Variants in TMOD2 observed in about 807,000 individuals in gnomAD.
The protein encoded by TMOD2 is tropomodulin-2.
TMOD2 carries 22 observed loss-of-function variants against 39.9 expected under a neutral mutation model. The observed-to-expected ratio is 0.55, with a 90% CI of 0.39 to 0.79. The LOEUF is 0.79. Among genes scored for constraint, TMOD2 ranks in the 30% least tolerant of loss-of-function variants. The probability of loss-of-function intolerance (pLI) is 0.00; values close to 1 mark genes in which losing one functional copy is unlikely to be tolerated. For missense variants in TMOD2, 386 were observed against 413.3 expected, an observed-to-expected ratio of 0.93 and a Z score of 0.57; for synonymous variants, 123 against 146.1, an observed-to-expected ratio of 0.84 and a Z score of 1.14.
At position 51,809,805 on chromosome 15, in the gene TMOD2, C is replaced by CCAGAATTT; in HGVS notation, c.*1352_*1359dup. 1 of 152,110 alleles carries CCAGAATTT rather than the reference C, an allele frequency of 6.6e-6. No individual in the cohort carries two copies. The highest frequency in any genetic ancestry group is 2.1e-4 in the South Asian group (1 of 4,826). The allele number at this position is 152,110 out of a possible 1,614,324, so 9.4% of individuals were successfully genotyped here. A position where few individuals can be genotyped will look rare whatever the true frequency, so the allele number is the denominator to read the frequency against. Reference sequence around the variant, plus strand: ...TCTGTAATTTGTTACTAAACAAATTCCAGAATTTGTTTAGTAGCTGAGTGT... The same window carrying CCAGAATTT: ...TCTGTAATTTGTTACTAAACAAATTCCAGAATTTCAGAATTTGTTTAGTAGCTGAGTGT... On this transcript the variant is annotated 3_prime_UTR_variant, in exon 10 of 10. Transcript: ENST00000249700.
Position 51,776,937 on chromosome 15 carries a change from C to T in TMOD2, c.412C>T (p.Leu138Phe). The T allele has an allele frequency of 1.9e-6, 3 of 1,613,560 alleles. No homozygotes were observed. The highest frequency in any genetic ancestry group is 2.5e-6 in the Non-Finnish European group (3 of 1,179,632). The change falls in exon 5 of 10, where the codon CTT becomes TTT. Residue 138 changes from leucine to phenylalanine, a missense_variant. Physicochemically the swap from Leu to Phe is conservative, Grantham distance 22. Transcript: ENST00000249700. The part of the protein sequence containing the change: ...DTELYDLAAV[L>F]GVHNLLNNPK... ...CATTTGTTGACTGTTTTTAGCTGTC[C>T]TTGGAGTACACAATTTGCTCAACAA...
intron 7 of TMOD2, among the ~76,000 whole-genome samples, chr15:51,792,851 C>T (rs777944206): frequency 1.3e-5 from 2 of 152,072 alleles, no homozygotes; most frequent in African/African-American, 4.8e-5. Flanking sequence ...ATATCACACA[C>T]CGGGGCCTGT....
In TMOD2 at chr15:51,798,451, A is replaced by G. The variant is rs1261788850; in HGVS notation, c.876+111A>G. On this transcript the variant is annotated intron_variant, in intron 8 of 9. Transcript: ENST00000249700. Reference sequence around the variant, plus strand: ...ACAGTTCTGTGTGTGACTCAATTTGATGTACTGGATTTCCTGTAAGTTTTA... The same window carrying G: ...ACAGTTCTGTGTGTGACTCAATTTGGTGTACTGGATTTCCTGTAAGTTTTA... The G allele has an allele frequency of 2.3e-6, 3 of 1,287,136 alleles. No individual in the cohort carries two copies. The African/African-American group carries it at 4.6e-5, about 20-fold the overall frequency. The allele number at this position is 1,287,136 out of a possible 1,614,324, so 79.7% of individuals were successfully genotyped here.
At chr15:51,787,611 A>G (rs1021105817) in intron 7 of TMOD2, among the ~76,000 whole-genome samples, 1 of 152,212 alleles carries the variant, frequency 6.6e-6, no homozygotes, top group African/African-American at 2.4e-5. Context: ...GGGCCGACAG[A>G]CACCTCATAC....
Position 51,768,379 on chromosome 15 carries a change from GAC to G in TMOD2, c.246_247del (p.Asp82GlufsTer19). On this transcript the variant is annotated frameshift_variant, in exon 3 of 10. Coordinates refer to ENST00000249700, the MANE Select transcript of TMOD2 (RefSeq NM_014548.4). LOFTEE classifies it high-confidence loss of function. Reference protein sequence around the residue: ...YLEKEALEQKDREDFVPFTGE... With the variant: ...YLEKEALEQKXREDFVPFTGE... ...GGAGAAGGAGGCTTTGGAACAGAAA[GAC>G]AGAGAGGACTTTGTGCCCTTCACTG... 6.2e-7 allele frequency: 1 copy of G among 1,613,970 alleles called. No homozygotes were observed. Among genetic ancestry groups the G allele is most frequent in the Non-Finnish European group, 8.5e-7 (1 of 1,180,016 alleles).
intron 5 of TMOD2, 55 bp from the exon 6 acceptor site, chr15:51,780,989 A>G (rs1207611647): frequency 4.4e-5 from 66 of 1,485,548 alleles, no homozygotes; most frequent in Non-Finnish European, 5.6e-5. Flanking sequence ...GGAAGTCACC[A>G]CTGATTTTGA....
intron 1 of TMOD2, among the ~76,000 whole-genome samples, chr15:51,758,706 G>C (rs1482285613): frequency 6.6e-6 from 1 of 152,212 alleles, no homozygotes; most frequent in Non-Finnish European, 1.5e-5. Flanking sequence ...TGTGATTAAA[G>C]GGGTAGCATG....
rs1042442411 is a variant in TMOD2, at chr15:51,752,591, G to A, written c.-70+879G>A. The A allele has an allele frequency of 1.6e-4, 25 of 152,328 alleles. 1 individual carries two copies. The highest frequency in any genetic ancestry group is 1.2e-3 in the Admixed American group (18 of 15,300). 9.4% of individuals were successfully genotyped at this position (152,328 alleles called of 1,614,324 possible). ...CTTAGCTTGACCATTCAGGAGCTGA[G>A]GGACCTGGGCAAGTCCCTCCACCTC... is the stretch of plus-strand genomic sequence containing the variant. On this transcript the variant is annotated intron_variant, in intron 1 of 9. Coordinates refer to ENST00000249700, the MANE Select transcript of TMOD2 (RefSeq NM_014548.4).
At position 51,810,831 on chromosome 15, in the gene TMOD2, C is replaced by A. The variant is rs1328208224; in HGVS notation, c.*2377C>A. The A allele has an allele frequency of 2.0e-5, 3 of 151,146 alleles. No homozygotes were observed. In the East Asian group the frequency reaches 5.8e-4, roughly 29 times the overall value. The allele number at this position is 151,146 out of a possible 1,614,324, so 9.4% of individuals were successfully genotyped here. A position where few individuals can be genotyped will look rare whatever the true frequency, so the allele number is the denominator to read the frequency against. On this transcript the variant is annotated 3_prime_UTR_variant, in exon 10 of 10. Coordinates refer to ENST00000249700, the MANE Select transcript of TMOD2 (RefSeq NM_014548.4). Reference sequence around the variant, plus strand: ...CCCTATAGAGCATTCCTTGCAGCCCCACAGTGCTGTGGGCTGGGGGCTAAA... The same window carrying A: ...CCCTATAGAGCATTCCTTGCAGCCCAACAGTGCTGTGGGCTGGGGGCTAAA...
At chr15:51,795,428 CAA>C (rs35847443) in intron 7 of TMOD2, among the ~76,000 whole-genome samples, 34 of 104,524 alleles carry the variant, frequency 3.3e-4, no homozygotes, top group Admixed American at 2.9e-4. Context: ...GACTTTGTCT[CAA>C]AAAAAAAAAA....
At chr15:51,753,825 G>A (rs2055724013) in intron 1 of TMOD2, among the ~76,000 whole-genome samples, 2 of 151,754 alleles carry the variant, frequency 1.3e-5, no homozygotes, top group South Asian at 4.2e-4. Flanking sequence ...GCAGAATGAT[G>A]ACGGTTGGTG....
At chr15:51,756,463 C>T (rs1220652582) in intron 1 of TMOD2, 2 of 152,214 alleles carry the variant, frequency 1.3e-5, no homozygotes, top group Non-Finnish European at 2.9e-5. Flanking sequence ...TCACCTCAGC[C>T]TTCTGAGATA....
rs1189807457 is a variant in TMOD2, at chr15:51,814,409, T to G, written c.*5955T>G. 1.3e-5 allele frequency: 2 copies of G among 152,240 alleles called. No homozygotes were observed. The highest frequency in any genetic ancestry group is 2.4e-5 in the African/African-American group (1 of 41,446). 9.4% of individuals were successfully genotyped at this position (152,240 alleles called of 1,614,324 possible). A position where few individuals can be genotyped will look rare whatever the true frequency, so the allele number is the denominator to read the frequency against. ...TTATCACCAGCAACCTTAGCCCTGG[T>G]CAGTAATATTTCTGCTAAGAAAGGT... On this transcript the variant is annotated 3_prime_UTR_variant, in exon 10 of 10. Transcript: ENST00000249700.
intron 1 of TMOD2, among the ~76,000 whole-genome samples, chr15:51,758,579 C>G (rs1256641943): frequency 6.6e-6 from 1 of 152,238 alleles, no homozygotes; most frequent in Admixed American, 6.5e-5. Flanking sequence ...AGATCAAGAA[C>G]TGTGCTGGGA....
At chr15:51,757,883 A>G (rs1356019591) in intron 1 of TMOD2, among the ~76,000 whole-genome samples, 1 of 152,204 alleles carries the variant, frequency 6.6e-6, no homozygotes, top group Non-Finnish European at 1.5e-5. Flanking sequence ...TGGGCAATGT[A>G]GCGAGACCCT....
intron 8 of TMOD2, among the ~76,000 whole-genome samples, chr15:51,805,585 TAG>T (rs1467818941): frequency 2.0e-5 from 3 of 152,194 alleles, no homozygotes; most frequent in Non-Finnish European, 4.4e-5. Context: ...ACAGTGACAA[TAG>T]AGTTACTATA....
At chr15:51,793,580 T>G (rs2056027476) in intron 7 of TMOD2, among the ~76,000 whole-genome samples, 27 of 152,248 alleles carry the variant, frequency 1.8e-4, no homozygotes, top group Admixed American at 1.7e-3. Context: ...CAATTACATT[T>G]AAAACATCTA....
intron 4 of TMOD2, among the ~76,000 whole-genome samples, chr15:51,774,359 G>A (rs1192852389): frequency 2.0e-5 from 3 of 152,104 alleles, no homozygotes; most frequent in South Asian, 2.1e-4. Context: ...TAAGTCTCTC[G>A]ACCTGAATTA....
intron 8 of TMOD2, 38 bp downstream of exon 8, chr15:51,798,378 G>C (rs770948012): frequency 6.2e-7 from 1 of 1,605,494 alleles, no homozygotes; most frequent in Non-Finnish European, 8.5e-7. Context: ...TCAACTCACA[G>C]GGTGTGCAGT....
Sources: allele counts gnomAD v4.1 joint callset (sites outside exome capture counted in the v4.1 genomes callset), GRCh38; gene constraint gnomAD v4.1.1; transcripts MANE v1.5; gene names NCBI Gene and HGNC (gene_info 2026-07-23, HGNC 2026-07-21).